CCNB2: variants seen among roughly 807,000 people sequenced by gnomAD.
The protein encoded by CCNB2 is G2/mitotic-specific cyclin-B2.
A neutral mutation model predicts 51.1 loss-of-function variants in CCNB2; 39 were observed. The observed-to-expected ratio is 0.76, with a 90% CI of 0.59 to 1.00. The LOEUF (loss-of-function observed/expected upper bound fraction) is 1.00, where lower values mean the gene tolerates loss of function less well. Ranked by LOEUF, CCNB2 falls within the 50% of genes least tolerant of loss-of-function variation. CCNB2 has a pLI of 0.00. For synonymous variants in CCNB2, 174 were observed against 165.5 expected (o/e 1.05, Z -0.40); for missense variants, 472 against 470.3 (o/e 1.00, Z -0.03).
rs758310424 is a variant in CCNB2 at position 59,114,542 on chromosome 15, C to T, written c.366C>T (p.Asn122=). 1.4e-5 allele frequency: 23 copies of T among 1,613,510 alleles called. No individual in the cohort carries two copies. Among genetic ancestry groups the T allele is most frequent in the East Asian group, 2.2e-5 (1 of 44,890 alleles). ...ALLCKIEDID[N]EDWENPQLCS... is the part of the protein sequence containing the mutation. ...TCTGCAAAATCGAGGACATTGATAA[C>T]GAAGATTGGGAGAACCCTCAGCTCT... is the stretch of plus-strand genomic sequence containing the variant. The change falls in exon 4 of 9, where the codon AAC becomes AAT. Residue 122 remains asparagine (N), a synonymous_variant. Coordinates refer to ENST00000288207, the MANE Select transcript of CCNB2 (RefSeq NM_004701.4).
At chr15:59,110,412 A>G (rs1212129196) in intron 3 of CCNB2, among the ~76,000 whole-genome samples, 1 of 152,236 alleles carries the variant, frequency 6.6e-6, no homozygotes. Context: ...TAGTGAAGGA[A>G]TCTCTAAGTC....
At chr15:59,107,814 T>G (rs1288898765) in intron 3 of CCNB2, 144 bp downstream of exon 3, 15 of 637,366 alleles carry the variant, frequency 2.4e-5, no homozygotes, top group Non-Finnish European at 3.8e-5. Context: ...AGGAAATGAG[T>G]ATATACACCT....
chr15:59,114,556 A>C lies in CCNB2; in HGVS notation c.380A>C (p.Asn127Thr), dbSNP rs1404809792. The C allele has an allele frequency of 6.2e-7, 1 of 1,613,472 alleles. No individual in the cohort carries two copies. Among genetic ancestry groups the C allele is most frequent in the East Asian group, 2.2e-5 (1 of 44,886 alleles). ...IEDIDNEDWE[N>T]PQLCSDYVKD... Reference sequence around the variant, plus strand: ...GACATTGATAACGAAGATTGGGAGAACCCTCAGCTCTGCAGTGACTACGTT... The same window carrying C: ...GACATTGATAACGAAGATTGGGAGACCCCTCAGCTCTGCAGTGACTACGTT... The change falls in exon 4 of 9, where the codon AAC (asparagine) becomes ACC (threonine). Residue 127 changes from asparagine (N) to threonine (T), a missense_variant. Physicochemically the swap from Asn to Thr is moderately conservative, Grantham distance 65 (BLOSUM62 0). Transcript: ENST00000288207.
intron 3 of CCNB2, among the ~76,000 whole-genome samples, chr15:59,110,141 G>A (rs1430079690): frequency 6.6e-6 from 1 of 151,794 alleles, no homozygotes; most frequent in African/African-American, 2.4e-5. Flanking sequence ...AGAAACAAAG[G>A]GAAAAATAGT....
chr15:59,119,338 G>A (rs1805694698), intron 7 of CCNB2, among the ~76,000 whole-genome samples: 1 of 151,834 alleles, frequency 6.6e-6, no homozygotes, highest in Non-Finnish European at 1.5e-5. Flanking sequence ...GCACACACCT[G>A]TAGTCCTAGT....
At position 59,117,334 on chromosome 15, in the gene CCNB2, G is replaced by A. The variant is rs2079283371; in HGVS notation, c.941G>A (p.Cys314Tyr). 2 of 1,613,802 alleles carry A rather than the reference G, an allele frequency of 1.2e-6. No individual in the cohort carries two copies. Among genetic ancestry groups the A allele is most frequent in the South Asian group, 2.2e-5 (2 of 91,066 alleles). The part of the protein sequence containing the change: ...HPSKVAAAAS[C>Y]LSQKVLGQGK... ...TCTAAGGTAGCAGCAGCTGCTTCCT[G>A]CTTGTCTCAGAAGGTTCTAGGACAA... The change falls in exon 7 of 9, where the codon TGC becomes TAC. Residue 314 changes from cysteine (C) to tyrosine (Y), a missense_variant. Physicochemically the swap from Cys to Tyr is radical, Grantham distance 194. Transcript: ENST00000288207.
chr15:59,122,601 G>A (rs539303097), intron 7 of CCNB2, among the ~76,000 whole-genome samples: 7 of 148,874 alleles, frequency 4.7e-5, no homozygotes, highest in East Asian at 2.0e-4. Flanking sequence ...GTGCAATGGC[G>A]TTAATATCGC....
At chr15:59,120,816 A>C (rs1378197612) in intron 7 of CCNB2, among the ~76,000 whole-genome samples, 1 of 152,182 alleles carries the variant, frequency 6.6e-6, no homozygotes, top group African/African-American at 2.4e-5. Flanking sequence ...CTGTAACAAA[A>C]CTGCACATCT....
chr15:59,107,061 C>T (rs371167358), intron 1 of CCNB2, among the ~76,000 whole-genome samples: 4 of 152,124 alleles, frequency 2.6e-5, no homozygotes, highest in Admixed American at 1.3e-4. Flanking sequence ...TACAGGCCCA[C>T]TTGAATACTC....
At chr15:59,112,462 A>T (rs567903147) in intron 3 of CCNB2, among the ~76,000 whole-genome samples, 7 of 151,792 alleles carry the variant, frequency 4.6e-5, no homozygotes, top group Non-Finnish European at 1.0e-4. Flanking sequence ...CTCCTGCCTC[A>T]GCCTCCTGAG....
At chr15:59,118,661 C>T (rs181227513) in intron 7 of CCNB2, among the ~76,000 whole-genome samples, 61 of 152,254 alleles carry the variant, frequency 4.0e-4, no homozygotes, top group East Asian at 1.4e-3. Flanking sequence ...TCCAGCCTGG[C>T]GGACAGGGCG....
chr15:59,118,716 G>A (rs1371672627), intron 7 of CCNB2, among the ~76,000 whole-genome samples: 2 of 152,164 alleles, frequency 1.3e-5, no homozygotes, highest in African/African-American at 4.8e-5. Context: ...AAGTTGTCTC[G>A]TGACAGCCTC....
chr15:59,117,300 T>A lies in CCNB2; in HGVS notation c.907T>A (p.Tyr303Asn). ...LTLIDYDMVHYHPSKVAAAAS... is the reference protein window; with the variant it reads ...LTLIDYDMVHNHPSKVAAAAS... Reference sequence around the variant, plus strand: ...TCTCATCGACTATGATATGGTGCATTATCATCCTTCTAAGGTAGCAGCAGC... The same window carrying A: ...TCTCATCGACTATGATATGGTGCATAATCATCCTTCTAAGGTAGCAGCAGC... The change falls in exon 7 of 9, where the codon TAT becomes AAT. Residue 303 changes from tyrosine (Y) to asparagine (N), a missense_variant. Transcript: ENST00000288207. 6.2e-7 allele frequency: 1 copy of A among 1,613,934 alleles called. No homozygotes were observed. Among genetic ancestry groups the A allele is most frequent in the Non-Finnish European group, 8.5e-7 (1 of 1,180,002 alleles).
intron 4 of CCNB2, 27 bp from the exon 5 acceptor site, chr15:59,114,691 T>A (rs776389426): frequency 1.3e-6 from 2 of 1,593,892 alleles, no homozygotes; most frequent in Non-Finnish European, 1.7e-6. Flanking sequence ...CAAGGTCAGC[T>A]TTTTAAACTT....
At chr15:59,119,368 G>A (rs573125397) in intron 7 of CCNB2, among the ~76,000 whole-genome samples, 1 of 151,838 alleles carries the variant, frequency 6.6e-6, no homozygotes, top group Admixed American at 6.6e-5. Flanking sequence ...GGCTGAGGCA[G>A]GAGGATTGCT....
At chr15:59,123,749 A>G in intron 8 of CCNB2, 122 bp downstream of exon 8, 1 of 651,566 alleles carries the variant, frequency 1.5e-6, no homozygotes, top group Non-Finnish European at 2.8e-6. Flanking sequence ...TGGGAGTTTT[A>G]GCACAAATCC....
intron 3 of CCNB2, among the ~76,000 whole-genome samples, chr15:59,113,542 TATG>T (rs2079266485): frequency 6.6e-6 from 1 of 152,170 alleles, no homozygotes; most frequent in African/African-American, 2.4e-5. Flanking sequence ...GTATAGGTAT[TATG>T]AGAAAAAACA....
chr15:59,111,856 C>CTTTTTTTTT (rs11327656), intron 3 of CCNB2, among the ~76,000 whole-genome samples: 1 of 133,978 alleles, frequency 7.5e-6, no homozygotes, highest in Non-Finnish European at 1.6e-5. Flanking sequence ...TTCTTTCTTT[C>CTTTTTTTTT]TTTTTTTTTT....
intron 5 of CCNB2, chr15:59,115,518 G>A (rs2079275307): frequency 6.6e-6 from 1 of 152,154 alleles, no homozygotes; most frequent in Non-Finnish European, 1.5e-5. Context: ...TAAATTGCCA[G>A]TGTGTTATCT....
Sources: allele counts gnomAD v4.1 joint callset (sites outside exome capture counted in the v4.1 genomes callset), GRCh38; gene constraint gnomAD v4.1.1; transcripts MANE v1.5; gene names NCBI Gene and HGNC (gene_info 2026-07-23, HGNC 2026-07-21).